IMPG2: variants seen among roughly 807,000 people sequenced by gnomAD.
IMPG2 encodes the protein IPM 200.
A neutral mutation model predicts 129.2 loss-of-function variants in IMPG2; 91 were observed. That is an observed-to-expected ratio of 0.70 (90% CI 0.59 to 0.84). The LOEUF is 0.84. Among genes scored for constraint, IMPG2 ranks in the 40% least tolerant of loss-of-function variants. The pLI is 0.00. For synonymous variants in IMPG2, 510 were observed against 517.7 expected (o/e 0.99, Z 0.20); for missense variants, 1,430 against 1,461.7 (o/e 0.98, Z 0.35).
rs974469122 is a variant in IMPG2 at position 101,243,880 on chromosome 3, T to C, written c.2451A>G (p.Lys817=). 6.2e-7 allele frequency: 1 copy of C among 1,614,204 alleles called. No individual in the cohort carries two copies. Among genetic ancestry groups the C allele is most frequent in the Non-Finnish European group, 8.5e-7 (1 of 1,180,022 alleles). ...RLWLSVTQST[K]LPPTTISTLL... is the part of the protein sequence containing the mutation. Reference sequence around the variant, plus strand: ...GGGTGGAGATTGTGGTTGGAGGCAATTTGGTAGACTGTGTCACAGATAACC... The same window carrying C: ...GGGTGGAGATTGTGGTTGGAGGCAACTTGGTAGACTGTGTCACAGATAACC... Residue 817 remains lysine, a synonymous_variant, in exon 13 of 19, where the codon AAA becomes AAG. Coordinates refer to ENST00000193391, the MANE Select transcript of IMPG2 (RefSeq NM_016247.4).
chr3:101,251,828 A>G (rs1012400644), intron 11 of IMPG2, among the ~76,000 whole-genome samples: 10 of 152,082 alleles, frequency 6.6e-5, no homozygotes, highest in Non-Finnish European at 1.2e-4. Context: ...ATCTGGGGGG[A>G]AAAAACCCAC....
Position 101,244,275 on chromosome 3 carries a change from C to A in IMPG2, c.2056G>T (p.Ala686Ser). The change falls in exon 13 of 19, where the codon GCT (alanine) becomes TCT (serine). Residue 686 changes from alanine to serine, a missense_variant. Ala to Ser is a moderately conservative substitution (Grantham distance 99). Coordinates refer to ENST00000193391, the MANE Select transcript of IMPG2 (RefSeq NM_016247.4). Reference protein sequence around the residue: ...FPEEEPLSGPAVPIFADTAAE... With the variant: ...FPEEEPLSGPSVPIFADTAAE... ...GCAGTATCTGCGAAGATGGGCACAG[C>A]AGGCCCACTAAGAGGCTCTTCCTCT... is the stretch of plus-strand genomic sequence containing the variant. 1 of 1,614,026 alleles carries A rather than the reference C, an allele frequency of 6.2e-7. No homozygotes were observed. The highest frequency in any genetic ancestry group is 8.5e-7 in the Non-Finnish European group (1 of 1,179,996).
chr3:101,233,106 C>G, intron 14 of IMPG2, 115 bp from the exon 15 acceptor site: 1 of 882,012 alleles, frequency 1.1e-6, no homozygotes, highest in Non-Finnish European at 1.9e-6. Flanking sequence ...CTTTCCAGAA[C>G]CATTAAAGTA....
chr3:101,243,903 A>T lies in IMPG2; in HGVS notation c.2428T>A (p.Leu810Ile). 1 of 1,614,222 alleles carries T rather than the reference A, an allele frequency of 6.2e-7. No individual in the cohort carries two copies. Among genetic ancestry groups the T allele is most frequent in the Non-Finnish European group, 8.5e-7 (1 of 1,180,030 alleles). ...STPQSADRLW[L>I]SVTQSTKLPP... ...AATTTGGTAGACTGTGTCACAGATA[A>T]CCAGAGCCTGTCAGCACTCTGTGGT... Residue 810 changes from leucine to isoleucine, a missense_variant, in exon 13 of 19, where the codon TTA becomes ATA. Leu to Ile is a conservative substitution (Grantham distance 5). Coordinates refer to ENST00000193391, the MANE Select transcript of IMPG2 (RefSeq NM_016247.4).
intron 11 of IMPG2, among the ~76,000 whole-genome samples, chr3:101,250,179 A>G (rs1706528804): frequency 6.6e-6 from 1 of 152,206 alleles, no homozygotes; most frequent in Non-Finnish European, 1.5e-5. Flanking sequence ...GTGCTCCTAC[A>G]TAACTTAGCA....
chr3:101,253,015 G>C (rs772001463), intron 11 of IMPG2, among the ~76,000 whole-genome samples: 12 of 152,110 alleles, frequency 7.9e-5, no homozygotes, highest in Admixed American at 3.9e-4. Context: ...TGTTATCATT[G>C]TTGTTTAAAC....
At chr3:101,294,212 A>G (rs1405794228) in intron 3 of IMPG2, among the ~76,000 whole-genome samples, 3 of 152,018 alleles carry the variant, frequency 2.0e-5, no homozygotes, top group Non-Finnish European at 4.4e-5. Flanking sequence ...CGCATGCATT[A>G]GCTGTTTGTC....
chr3:101,244,933 CAAG>C lies in IMPG2; in HGVS notation c.1544-149_1544-147del, dbSNP rs1706460051. On this transcript the variant is annotated intron_variant, in intron 12 of 18. Transcript: ENST00000193391. ...TTGCTTTTCTATATCTAGCAAACAA[CAAG>C]AAGATCTGATCATGTGTTTGCAATA... The C allele has an allele frequency of 4.3e-6, 3 of 692,734 alleles. No homozygotes were observed. The South Asian group carries it at 5.1e-5, about 12-fold the overall frequency. The allele number at this position is 692,734 out of a possible 1,614,324, so 42.9% of individuals were successfully genotyped here. A position where few individuals can be genotyped will look rare whatever the true frequency, so the allele number is the denominator to read the frequency against.
chr3:101,278,322 T>C (rs768512767), intron 4 of IMPG2, among the ~76,000 whole-genome samples: 1 of 152,288 alleles, frequency 6.6e-6, no homozygotes, highest in African/African-American at 2.4e-5. Context: ...ATCTCCCTCA[T>C]AGACGTGCCC....
At chr3:101,281,781 G>A (rs1377911348) in intron 4 of IMPG2, among the ~76,000 whole-genome samples, 2 of 152,162 alleles carry the variant, frequency 1.3e-5, no homozygotes, top group African/African-American at 4.8e-5. Context: ...AAGAAAGTCA[G>A]AGTGACGGAA....
chr3:101,292,314 G>A (rs1707027118), intron 3 of IMPG2, among the ~76,000 whole-genome samples: 1 of 152,142 alleles, frequency 6.6e-6, no homozygotes, highest in South Asian at 2.1e-4. Flanking sequence ...ATATATTACA[G>A]GTTTGGTTCC....
At chr3:101,263,961 G>C (rs1242644106) in intron 9 of IMPG2, among the ~76,000 whole-genome samples, 1 of 151,218 alleles carries the variant, frequency 6.6e-6, no homozygotes, top group Non-Finnish European at 1.5e-5. Flanking sequence ...AGACTACTAT[G>C]AATAACCATA....
At chr3:101,295,848 G>A (rs1250851225) in intron 3 of IMPG2, among the ~76,000 whole-genome samples, 1 of 152,198 alleles carries the variant, frequency 6.6e-6, no homozygotes, top group Non-Finnish European at 1.5e-5. Flanking sequence ...GTTCATTCAT[G>A]ATTTGGCTCT....
In IMPG2 at chr3:101,243,620, C is replaced by A. The variant is rs1213033749; in HGVS notation, c.2711G>T (p.Ser904Ile). The A allele has an allele frequency of 1.2e-6, 2 of 1,613,910 alleles. No individual in the cohort carries two copies. Among genetic ancestry groups the A allele is most frequent in the South Asian group, 1.1e-5 (1 of 91,062 alleles). The change falls in exon 13 of 19, where the codon AGC (serine) becomes ATC (isoleucine). Residue 904 changes from serine to isoleucine, a missense_variant. Ser to Ile is a moderately radical substitution (Grantham distance 142). Transcript: ENST00000193391. ...QTSGALVVFF[S>I]LRVTNMMFSE... The stretch of plus-strand genomic sequence containing the variant: ...AAACATCATGTTAGTCACTCGGAGG[C>A]TGAAGAAAACCACCAAAGCTCCTGA...
At chr3:101,309,853 A>C (rs1707241888) in intron 2 of IMPG2, among the ~76,000 whole-genome samples, 1 of 152,252 alleles carries the variant, frequency 6.6e-6, no homozygotes, top group African/African-American at 2.4e-5. Context: ...AATGGAATCA[A>C]AAGGAAATTA....
rs894913779 is a variant in IMPG2, at chr3:101,225,690, T to G, written c.*1279A>C. On this transcript the variant is annotated 3_prime_UTR_variant, in exon 19 of 19. Transcript: ENST00000193391. Reference sequence around the variant, plus strand: ...TGTTCAGAATTGGTTTTGGCAAGCATGAAGACATCTAGCATAAAGTATCTG... The same window carrying G: ...TGTTCAGAATTGGTTTTGGCAAGCAGGAAGACATCTAGCATAAAGTATCTG... The G allele has an allele frequency of 6.6e-6, 1 of 152,294 alleles. No individual in the cohort carries two copies. The highest frequency in any genetic ancestry group is 2.4e-5 in the African/African-American group (1 of 41,552). 9.4% of individuals were successfully genotyped at this position (152,294 alleles called of 1,614,324 possible).
chr3:101,308,823 C>T (rs1707232229), intron 2 of IMPG2, among the ~76,000 whole-genome samples: 1 of 152,202 alleles, frequency 6.6e-6, no homozygotes, highest in African/African-American at 2.4e-5. Flanking sequence ...CTGTGCTTCC[C>T]TTTTAAACAT....
chr3:101,233,090 C>A (rs1706308189), intron 14 of IMPG2, 99 bp from the exon 15 acceptor site: 4 of 1,024,218 alleles, frequency 3.9e-6, no homozygotes, highest in Admixed American at 3.7e-5. Context: ...GTATATGGGA[C>A]AACTCCTTTC....
chr3:101,260,914 G>A (rs1409047456), intron 9 of IMPG2, among the ~76,000 whole-genome samples: 1 of 152,094 alleles, frequency 6.6e-6, no homozygotes, highest in African/African-American at 2.4e-5. Context: ...GAAACAAATG[G>A]TCAATTTTGT....
Sources: allele counts gnomAD v4.1 joint callset (sites outside exome capture counted in the v4.1 genomes callset), GRCh38; gene constraint gnomAD v4.1.1; transcripts MANE v1.5; gene names NCBI Gene and HGNC (gene_info 2026-07-23, HGNC 2026-07-21).